Variants in FECH observed in about 807,000 individuals in gnomAD.
The protein encoded by FECH is ferrochelatase.
Under a neutral mutation model 56.9 loss-of-function variants are expected in FECH, and 40 were observed. The ratio of observed to expected loss-of-function variants is 0.70; its 90% confidence interval spans 0.55 to 0.92. The LOEUF (loss-of-function observed/expected upper bound fraction) is 0.92, where lower values mean the gene tolerates loss of function less well. FECH is among the 40% of genes least tolerant of loss of function. The probability of loss-of-function intolerance (pLI) is 0.00; values close to 1 mark genes in which losing one functional copy is unlikely to be tolerated. For synonymous variants in FECH, 175 were observed against 198.6 expected, an observed-to-expected ratio of 0.88 and a Z score of 1.00; for missense variants, 431 against 529.1, an observed-to-expected ratio of 0.81 and a Z score of 1.82.
At chr18:57,566,821 GT>G (rs2051024142) in intron 4 of FECH, among the ~76,000 whole-genome samples, 1 of 152,032 alleles carries the variant, frequency 6.6e-6, no homozygotes, top group Admixed American at 6.6e-5. Flanking sequence ...CTGCACAGTG[GT>G]TTTTAAAACT....
chr18:57,580,513 T>C (rs2051262580), intron 1 of FECH, among the ~76,000 whole-genome samples: 1 of 152,032 alleles, frequency 6.6e-6, no homozygotes, highest in South Asian at 2.1e-4. Context: ...GAGACCAACA[T>C]GACTGACAGT....
rs2051136091 is a variant in FECH at position 57,572,980 on chromosome 18, A to G, written c.314+266T>C. 3 of 474,876 alleles carry G rather than the reference A, an allele frequency of 6.3e-6. No individual in the cohort carries two copies. The East Asian group carries it at 1.2e-4, about 19-fold the overall frequency. The allele number at this position is 474,876 out of a possible 1,614,324, so 29.4% of individuals were successfully genotyped here. A position where few individuals can be genotyped will look rare whatever the true frequency, so the allele number is the denominator to read the frequency against. The stretch of plus-strand genomic sequence containing the variant: ...CAAATATATCTTTAAAAATCTTTAA[A>G]GGTACCTAGGCTATGTCAAGACAAC... On this transcript the variant is annotated intron_variant, in intron 3 of 10. Transcript: ENST00000262093.
Position 57,550,470 on chromosome 18 carries a change from C to T in FECH, c.*242G>A. 2.1e-6 allele frequency: 1 copy of T among 474,674 alleles called. No homozygotes were observed. The highest frequency in any genetic ancestry group is 3.9e-5 in the East Asian group (1 of 25,640). 29.4% of individuals were successfully genotyped at this position (474,674 alleles called of 1,614,324 possible). A position where few individuals can be genotyped will look rare whatever the true frequency, so the allele number is the denominator to read the frequency against. On this transcript the variant is annotated 3_prime_UTR_variant, in exon 11 of 11. Transcript: ENST00000262093. ...CTCATTTATTAAAGGTCCTGATGGA[C>T]ATTCCAAACTAGTAACTTATACCTA...
At chr18:57,581,027 T>C (rs1281108911) in intron 1 of FECH, among the ~76,000 whole-genome samples, 1 of 152,130 alleles carries the variant, frequency 6.6e-6, no homozygotes, top group Non-Finnish European at 1.5e-5. Flanking sequence ...CCATCCAGGC[T>C]GTCTGTGAGG....
intron 1 of FECH, among the ~76,000 whole-genome samples, chr18:57,582,706 G>A (rs1275063577): frequency 1.3e-5 from 2 of 149,198 alleles, no homozygotes; most frequent in East Asian, 2.0e-4. Flanking sequence ...GAGGTCAGGA[G>A]ATCAAGACCA....
chr18:57,555,727 C>A (rs1424515869), intron 7 of FECH, among the ~76,000 whole-genome samples: 1 of 152,244 alleles, frequency 6.6e-6, no homozygotes, highest in Non-Finnish European at 1.5e-5. Context: ...TCTCCCTACT[C>A]TCTGCAAACA....
At chr18:57,569,781 C>T (rs1376430493) in intron 4 of FECH, among the ~76,000 whole-genome samples, 3 of 152,046 alleles carry the variant, frequency 2.0e-5, no homozygotes, top group Admixed American at 6.6e-5. Context: ...AACCTTTCTG[C>T]CTCCTCTTCC....
rs8090261 is a variant in FECH at position 57,547,887 on chromosome 18, T to C, written c.*2825A>G. On this transcript the variant is annotated 3_prime_UTR_variant, in exon 11 of 11. Coordinates refer to ENST00000262093, the MANE Select transcript of FECH (RefSeq NM_000140.5). ...TTGGGATCAAGCAATCCTCCAACCT[T>C]GGCCTTCCAAAGTATTGGAATTACA... Among the ~76,000 whole-genome samples the C allele has an allele frequency of 1, 152,071 of 152,288 alleles. 75,927 individuals carry two copies. Among genetic ancestry groups the C allele is most frequent in the Middle Eastern group, 1 (294 of 294 alleles).
intron 4 of FECH, among the ~76,000 whole-genome samples, chr18:57,568,509 C>T (rs1261046677): frequency 6.6e-6 from 1 of 152,188 alleles, no homozygotes; most frequent in East Asian, 1.9e-4. Context: ...ATGAAGGACC[C>T]GTGTCCATCA....
rs558602302 is a variant in FECH, at chr18:57,582,889, G to T, written c.68-2690C>A. 8.6e-5 allele frequency among the ~76,000 whole-genome samples: 13 copies of T among 151,652 alleles called. No homozygotes were observed. In the South Asian group the frequency reaches 2.3e-3, roughly 27 times the overall value. ...ATCACACCACTGCACTCCAGCCTGG[G>T]TGACAGAGTGAGACTCCATCTCAAA... On this transcript the variant is annotated intron_variant, in intron 1 of 10. Coordinates refer to ENST00000262093, the MANE Select transcript of FECH (RefSeq NM_000140.5).
At chr18:57,586,424 G>T in intron 1 of FECH, 130 bp downstream of exon 1, 1 of 1,019,042 alleles carries the variant, frequency 9.8e-7, no homozygotes, top group Non-Finnish European at 1.4e-6. Flanking sequence ...CCCTCGCCCG[G>T]TTGCTCGCAG....
rs1036541712 is a variant in FECH at position 57,546,256 on chromosome 18, G to GC, written c.*4455dup. On this transcript the variant is annotated 3_prime_UTR_variant, in exon 11 of 11. Transcript: ENST00000262093. Reference sequence around the variant, plus strand: ...GGCTGATGCACCTGTGCCTTCACGTGCCCCCGTGCGCACACATAGACGTTC... The same window carrying GC: ...GGCTGATGCACCTGTGCCTTCACGTGCCCCCCGTGCGCACACATAGACGTTC... Among the ~76,000 whole-genome samples, 3 of 152,182 alleles carry GC rather than the reference G, an allele frequency of 2.0e-5. No individual in the cohort carries two copies. Among genetic ancestry groups the GC allele is most frequent in the African/African-American group, 7.2e-5 (3 of 41,436 alleles).
Position 57,586,689 on chromosome 18 carries a change from T to C in FECH, c.-69A>G. ...GCGCGCCCAGGTGTCCGCCCAGCAGTGGCCGAGCCGGGTAGCGATCCCCAC... is the reference window on the plus strand; with the variant it reads ...GCGCGCCCAGGTGTCCGCCCAGCAGCGGCCGAGCCGGGTAGCGATCCCCAC... On this transcript the variant is annotated 5_prime_UTR_variant, in exon 1 of 11. Coordinates refer to ENST00000262093, the MANE Select transcript of FECH (RefSeq NM_000140.5). 3 of 1,395,730 alleles carry C rather than the reference T, an allele frequency of 2.1e-6. No homozygotes were observed. The highest frequency in any genetic ancestry group is 2.8e-6 in the Non-Finnish European group (3 of 1,055,152). The allele number at this position is 1,395,730 out of a possible 1,614,324, so 86.5% of individuals were successfully genotyped here. A position where few individuals can be genotyped will look rare whatever the true frequency, so the allele number is the denominator to read the frequency against.
chr18:57,554,872 G>A lies in FECH; in HGVS notation c.885C>T (p.Asn295=), dbSNP rs558826367. 6.2e-7 allele frequency: 1 copy of A among 1,614,158 alleles called. No homozygotes were observed. The highest frequency in any genetic ancestry group is 2.2e-5 in the East Asian group (1 of 44,880). ...QKVMERLEYC[N]PYRLVWQSKV... ...TGGATTGCCACACCAGTCGGTAGGG[G>A]TTGCAGTACTCCAGCCTTTCCATGA... Residue 295 remains asparagine, a synonymous_variant, in exon 8 of 11, where the codon AAC becomes AAT. Coordinates refer to ENST00000262093, the MANE Select transcript of FECH (RefSeq NM_000140.5).
rs761446796 is a variant in FECH at position 57,586,636 on chromosome 18, G to A, written c.-16C>T. ...GTGAACGCATTGCCTGGGCAGCCTC[G>A]GCCCGAGTCCGGGCTCCTCCCGCGG... On this transcript the variant is annotated 5_prime_UTR_variant, in exon 1 of 11. Transcript: ENST00000262093. 1.3e-6 allele frequency: 2 copies of A among 1,507,942 alleles called. No individual in the cohort carries two copies. Among genetic ancestry groups the A allele is most frequent in the African/African-American group, 1.4e-5 (1 of 69,230 alleles). The allele number at this position is 1,507,942 out of a possible 1,614,324, so 93.4% of individuals were successfully genotyped here.
chr18:57,562,873 C>T lies in FECH; in HGVS notation c.705+1G>A. The T allele has an allele frequency of 6.2e-7, 1 of 1,613,492 alleles. No homozygotes were observed. Among genetic ancestry groups the T allele is most frequent in the Non-Finnish European group, 8.5e-7 (1 of 1,179,574 alleles). ...CAGGCAGCTGGCAAGCACTGGCTTA[C>T]CTGGATGAGGAGGTGATGTGTGGGC... On this transcript the variant is annotated splice_donor_variant, in intron 6 of 10. Transcript: ENST00000262093. LOFTEE classifies it high-confidence loss of function.
chr18:57,579,973 C>A (rs1205839856), intron 2 of FECH, 100 bp downstream of exon 2: 12 of 1,537,836 alleles, frequency 7.8e-6, no homozygotes, highest in Non-Finnish European at 1.1e-5. Flanking sequence ...TCCTTCCACA[C>A]TGGCTTTTCC....
chr18:57,566,703 C>G (rs1415931452), intron 4 of FECH, 122 bp from the exon 5 acceptor site: 1 of 1,207,302 alleles, frequency 8.3e-7, no homozygotes, highest in Non-Finnish European at 1.2e-6. Flanking sequence ...ATGGCACTGA[C>G]GGTGAAGGCA....
At position 57,580,000 on chromosome 18, in the gene FECH, A is replaced by T. The variant is rs958081540; in HGVS notation, c.194+73T>A. 5 of 1,602,466 alleles carry T rather than the reference A, an allele frequency of 3.1e-6. No individual in the cohort carries two copies. In the Admixed American group the frequency reaches 8.3e-5, roughly 27 times the overall value. On this transcript the variant is annotated intron_variant, in intron 2 of 10. Transcript: ENST00000262093. ...GGCTTTTCCCAGCACCTTTCCTCCC[A>T]GGCAGCTTGTGTCTATTGGTGTCTG...
Sources: gnomAD v4.1 joint callset for allele counts (sites outside exome capture counted in the v4.1 genomes callset) on GRCh38, gnomAD v4.1.1 for gene constraint, MANE v1.5 for transcripts, NCBI Gene and HGNC (gene_info 2026-07-23, HGNC 2026-07-21) for gene names.